Variants in NCKAP5 observed in about 807,000 individuals in gnomAD.
NCKAP5 encodes the protein NCK associated protein 5, also known as nck-associated protein 5.
Under a neutral mutation model 167.0 loss-of-function variants are expected in NCKAP5, and 92 were observed. The ratio of observed to expected loss-of-function variants is 0.55; its 90% CI spans 0.47 to 0.66. The LOEUF is 0.66. Among genes scored for constraint, NCKAP5 ranks in the 30% least tolerant of loss-of-function variants. The pLI is 0.00. For synonymous variants in NCKAP5, 891 were observed against 877.4 expected (o/e 1.02, Z -0.27); for missense variants, 2,378 against 2,315.0 (o/e 1.03, Z -0.56).
intron 3 of NCKAP5, among the ~76,000 whole-genome samples, chr2:133,303,525 T>C (rs1019433941): frequency 6.6e-6 from 1 of 152,192 alleles, no homozygotes; most frequent in Non-Finnish European, 1.5e-5. Context: ...TTTCAAACTA[T>C]GTAGAATGTT....
At chr2:133,068,596 C>T (rs1165009766) in intron 6 of NCKAP5, among the ~76,000 whole-genome samples, 1 of 152,098 alleles carries the variant, frequency 6.6e-6, no homozygotes, top group East Asian at 1.9e-4. Context: ...TAGAGGGACT[C>T]GACCTCTGGG....
intron 19 of NCKAP5, among the ~76,000 whole-genome samples, chr2:132,722,162 T>A (rs1275533522): frequency 1.3e-5 from 2 of 152,326 alleles, no homozygotes; most frequent in East Asian, 3.9e-4. Context: ...TAGACAGGCA[T>A]ATGATGCTGA....
At chr2:133,296,185 C>T (rs1320240330) in intron 4 of NCKAP5, among the ~76,000 whole-genome samples, 1 of 152,200 alleles carries the variant, frequency 6.6e-6, no homozygotes. Flanking sequence ...TCAGACCCTG[C>T]ATTCTCATGG....
At chr2:133,097,758 C>T (rs1445836160) in intron 6 of NCKAP5, among the ~76,000 whole-genome samples, 2 of 152,288 alleles carry the variant, frequency 1.3e-5, no homozygotes, top group South Asian at 2.1e-4. Context: ...TATGAACCCA[C>T]CTTGCCCTAG....
At chr2:133,093,944 G>T (rs963586085) in intron 6 of NCKAP5, among the ~76,000 whole-genome samples, 11 of 152,270 alleles carry the variant, frequency 7.2e-5, no homozygotes, top group African/African-American at 2.4e-4. Context: ...GTCCTGGAAG[G>T]TCCCTACCAC....
At chr2:133,360,259 A>G (rs1163510083) in intron 3 of NCKAP5, among the ~76,000 whole-genome samples, 1 of 152,244 alleles carries the variant, frequency 6.6e-6, no homozygotes, top group Non-Finnish European at 1.5e-5. Context: ...TGTCATCAGG[A>G]AAGTGGCATC....
chr2:133,651,642 A>G, the NCKAP5 span, among the ~76,000 whole-genome samples: 1 of 152,210 alleles, frequency 6.6e-6, no homozygotes, highest in Non-Finnish European at 1.5e-5. Flanking sequence ...CTACCATATG[A>G]CCCAGCAATC....
At chr2:133,597,302 C>T in the NCKAP5 span, among the ~76,000 whole-genome samples, 27 of 152,168 alleles carry the variant, frequency 1.8e-4, no homozygotes, top group Admixed American at 8.5e-4. Flanking sequence ...GGGATGGAGC[C>T]AGCAGTCTGT....
At chr2:132,950,245 A>G (rs930898803) in intron 8 of NCKAP5, among the ~76,000 whole-genome samples, 2 of 152,274 alleles carry the variant, frequency 1.3e-5, no homozygotes, top group African/African-American at 4.8e-5. Context: ...TAAGATGATC[A>G]GATAAATGTC....
At chr2:133,282,309 G>A (rs898504500) in intron 4 of NCKAP5, among the ~76,000 whole-genome samples, 1 of 152,058 alleles carries the variant, frequency 6.6e-6, no homozygotes, top group Non-Finnish European at 1.5e-5. Context: ...CAGAGATGAG[G>A]GCAAAAACAA....
At chr2:132,811,764 C>A (rs1685887925) in intron 11 of NCKAP5, among the ~76,000 whole-genome samples, 1 of 152,134 alleles carries the variant, frequency 6.6e-6, no homozygotes, top group African/African-American at 2.4e-5. Flanking sequence ...CAGATTTGTG[C>A]CCTCCTCTGA....
intron 14 of NCKAP5, 58 bp downstream of exon 14, chr2:132,781,882 C>A (rs567025032): frequency 1.3e-6 from 2 of 1,505,668 alleles, no homozygotes. Flanking sequence ...GCAAACAACT[C>A]TTTTAAAGGT....
the NCKAP5 span, among the ~76,000 whole-genome samples, chr2:133,645,512 T>C: frequency 1.3e-5 from 2 of 152,108 alleles, no homozygotes; most frequent in East Asian, 3.9e-4. Context: ...AGTCACAATA[T>C]CAATATTAAT....
At chr2:132,903,635 T>C (rs781513287) in intron 8 of NCKAP5, among the ~76,000 whole-genome samples, 2 of 152,190 alleles carry the variant, frequency 1.3e-5, no homozygotes, top group Non-Finnish European at 2.9e-5. Flanking sequence ...TCTATTATTT[T>C]CATGTCACAG....
At chr2:132,912,461 C>A (rs1694533303) in intron 8 of NCKAP5, among the ~76,000 whole-genome samples, 1 of 152,210 alleles carries the variant, frequency 6.6e-6, no homozygotes, top group African/African-American at 2.4e-5. Context: ...CAGAGCCCGT[C>A]CATGACATCA....
chr2:133,254,344 A>G (rs13390487), intron 4 of NCKAP5, among the ~76,000 whole-genome samples: 30,281 of 151,720 alleles, frequency 0.2, 3,820 homozygotes, highest in African/African-American at 0.37. Context: ...CCCCAGAGGA[A>G]CCCAGCTTTC....
chr2:133,091,256 G>A (rs762917749), intron 6 of NCKAP5, among the ~76,000 whole-genome samples: 4 of 152,198 alleles, frequency 2.6e-5, no homozygotes, highest in East Asian at 3.9e-4. Context: ...AAGAACGAAC[G>A]AATACATTCA....
intron 1 of NCKAP5, among the ~76,000 whole-genome samples, chr2:133,559,812 C>T (rs1688030995): frequency 6.6e-6 from 1 of 152,160 alleles, no homozygotes; most frequent in Non-Finnish European, 1.5e-5. Flanking sequence ...AAGATCAAAT[C>T]CTGGTCTAAC....
intron 11 of NCKAP5, among the ~76,000 whole-genome samples, chr2:132,812,837 G>A (rs1321591164): frequency 1.3e-5 from 2 of 152,156 alleles, no homozygotes. Context: ...TCTGCGGAGG[G>A]CCTATTTTCT....
Sources: gnomAD v4.1 joint callset for allele counts (sites outside exome capture counted in the v4.1 genomes callset) on GRCh38, gnomAD v4.1.1 for gene constraint, MANE v1.5 for transcripts, NCBI Gene and HGNC (gene_info 2026-07-23, HGNC 2026-07-21) for gene names.